ARL6IP1: variants seen among roughly 807,000 people sequenced by gnomAD.
ARL6IP1 encodes ARL6 interacting reticulophagy regulator 1.
ARL6IP1 carries 16 observed loss-of-function variants against 30.1 expected under a neutral mutation model. The ratio of observed to expected loss-of-function variants is 0.53; its 90% CI spans 0.36 to 0.81. ARL6IP1 has a LOEUF of 0.81. Ranked by LOEUF, ARL6IP1 falls within the 30% of genes least tolerant of loss-of-function variation. The pLI is 0.01. For missense variants in ARL6IP1, 173 were observed against 242.7 expected (o/e 0.71, Z 1.91); for synonymous variants, 72 against 84.8 (o/e 0.85, Z 0.83).
rs7189715 is a variant in ARL6IP1 at position 18,797,710 on chromosome 16, A to G, written c.290+215T>C. The G allele has an allele frequency of 0.028, 12,485 of 443,446 alleles. 1,296 individuals carry two copies. Among genetic ancestry groups the G allele is most frequent in the African/African-American group, 0.22 (10,991 of 49,178 alleles). The allele number at this position is 443,446 out of a possible 1,614,324, so 27.5% of individuals were successfully genotyped here. On this transcript the variant is annotated intron_variant, in intron 3 of 5. Coordinates refer to ENST00000304414, the MANE Select transcript of ARL6IP1 (RefSeq NM_015161.3). ...AATATCAATGGAAATGTAAAAATGT[A>G]TATGTGCATTTACCATAAAAGAACT...
At chr16:18,793,431 C>CTTTTTTTT in intron 5 of ARL6IP1, 61 bp from the exon 6 acceptor site, 1 of 607,964 alleles carries the variant, frequency 1.6e-6, no homozygotes, top group Non-Finnish European at 2.6e-6. Context: ...AAGGTTATTA[C>CTTTTTTTT]TTTTTTTTTT....
At chr16:18,799,582 T>C (rs1033302992) in intron 1 of ARL6IP1, among the ~76,000 whole-genome samples, 5 of 152,224 alleles carry the variant, frequency 3.3e-5, no homozygotes, top group African/African-American at 1.2e-4. Flanking sequence ...ATCTTATTGA[T>C]TTAAACCCTT....
Position 18,801,413 on chromosome 16 carries a change from C to G in ARL6IP1, c.36+18G>C, listed in dbSNP as rs763511342. ...GAGGCCTCGCTCGGCTCCCGGGGGA[C>G]AGGCAGCCAGGACTCACCAGCAGGT... On this transcript the variant is annotated intron_variant, in intron 1 of 5. Transcript: ENST00000304414. The G allele has an allele frequency of 6.2e-7, 1 of 1,612,550 alleles. No individual in the cohort carries two copies. The highest frequency in any genetic ancestry group is 1.3e-5 in the African/African-American group (1 of 75,012).
At position 18,793,165 on chromosome 16, in the gene ARL6IP1, G is replaced by T; in HGVS notation, c.*87C>A. The T allele has an allele frequency of 6.0e-6, 5 of 839,190 alleles. No homozygotes were observed. In the South Asian group the frequency reaches 6.9e-5, roughly 12 times the overall value. The allele number at this position is 839,190 out of a possible 1,614,324, so 52.0% of individuals were successfully genotyped here. A position where few individuals can be genotyped will look rare whatever the true frequency, so the allele number is the denominator to read the frequency against. ...TGAGGGAGAACAAAGAGCTACTTCC[G>T]TAACATTTTAGTATCCAGATAGTAC... On this transcript the variant is annotated 3_prime_UTR_variant, in exon 6 of 6. Coordinates refer to ENST00000304414, the MANE Select transcript of ARL6IP1 (RefSeq NM_015161.3).
intron 1 of ARL6IP1, among the ~76,000 whole-genome samples, chr16:18,800,100 C>T (rs1321284107): frequency 1.3e-5 from 2 of 152,162 alleles, no homozygotes; most frequent in Non-Finnish European, 2.9e-5. Flanking sequence ...AAGACGCTCG[C>T]TATCTGTGCC....
At chr16:18,797,407 G>T (rs1362947178) in intron 3 of ARL6IP1, among the ~76,000 whole-genome samples, 2 of 151,354 alleles carry the variant, frequency 1.3e-5, no homozygotes, top group Non-Finnish European at 2.9e-5. Flanking sequence ...AAAGAGAATG[G>T]TATAAATAAA....
At chr16:18,794,749 A>T in intron 4 of ARL6IP1, 66 bp from the exon 5 acceptor site, 1 of 1,136,458 alleles carries the variant, frequency 8.8e-7, no homozygotes. Flanking sequence ...TGTAATTTTT[A>T]TTTGTCAATT....
In ARL6IP1 at chr16:18,793,271, TTTTG is replaced by T. The variant is rs755571659; in HGVS notation, c.589_592del (p.Gln197LysfsTer33). 6.2e-7 allele frequency: 1 copy of T among 1,610,184 alleles called. No homozygotes were observed. Among genetic ancestry groups the T allele is most frequent in the Non-Finnish European group, 8.5e-7 (1 of 1,178,174 alleles). Reference sequence around the variant, plus strand: ...GATGAATCATTCGTTTTTCTTTTCTTTTTGTTTGAGAAGTTTGTTTATCTCCCTC... The same window carrying T: ...GATGAATCATTCGTTTTTCTTTTCTTTTTGAGAAGTTTGTTTATCTCCCTC... On this transcript the variant is annotated frameshift_variant, in exon 6 of 6. Transcript: ENST00000304414. LOFTEE classifies it high-confidence loss of function.
Position 18,801,538 on chromosome 16 carries a change from C to G in ARL6IP1, c.-72G>C. The G allele has an allele frequency of 6.3e-7, 1 of 1,577,538 alleles. No homozygotes were observed. The highest frequency in any genetic ancestry group is 1.2e-5 in the South Asian group (1 of 86,736). ...AGTCCTCCAACCGAAACCCGCACAC[C>G]AACCACAACCCGAGGGAACGCCCCG... is the stretch of plus-strand genomic sequence containing the variant. On this transcript the variant is annotated 5_prime_UTR_variant, in exon 1 of 6. Coordinates refer to ENST00000304414, the MANE Select transcript of ARL6IP1 (RefSeq NM_015161.3).
intron 3 of ARL6IP1, among the ~76,000 whole-genome samples, chr16:18,796,828 T>C (rs1005987342): frequency 6.6e-6 from 1 of 152,212 alleles, no homozygotes; most frequent in Non-Finnish European, 1.5e-5. Context: ...AAGGTACACA[T>C]TTAAAATTCT....
rs2030095373 is a variant in ARL6IP1 at position 18,792,465 on chromosome 16, T to C, written c.*787A>G. On this transcript the variant is annotated 3_prime_UTR_variant, in exon 6 of 6. Coordinates refer to ENST00000304414, the MANE Select transcript of ARL6IP1 (RefSeq NM_015161.3). ...ATGAGTCTTAACCTACTGTATACTATAGCTAATGTCAGCTGAAAATCTGAA... is the reference window on the plus strand; with the variant it reads ...ATGAGTCTTAACCTACTGTATACTACAGCTAATGTCAGCTGAAAATCTGAA... The C allele has an allele frequency of 6.6e-6, 1 of 152,206 alleles. No individual in the cohort carries two copies. The highest frequency in any genetic ancestry group is 1.5e-5 in the Non-Finnish European group (1 of 68,032). 9.4% of individuals were successfully genotyped at this position (152,206 alleles called of 1,614,324 possible).
intron 4 of ARL6IP1, among the ~76,000 whole-genome samples, chr16:18,794,972 G>A (rs757099801): frequency 2.6e-5 from 4 of 151,232 alleles, no homozygotes; most frequent in South Asian, 2.1e-4. Flanking sequence ...ACAGCCTCAC[G>A]ACGTGAAGCT....
chr16:18,799,263 C>T (rs2030336124), intron 1 of ARL6IP1, among the ~76,000 whole-genome samples: 1 of 152,206 alleles, frequency 6.6e-6, no homozygotes, highest in African/African-American at 2.4e-5. Flanking sequence ...CCACTCACCT[C>T]GTCTTCCCAA....
At position 18,793,363 on chromosome 16, in the gene ARL6IP1, G is replaced by C. The variant is rs761367929; in HGVS notation, c.501C>G (p.Ser167=). 6.3e-7 allele frequency: 1 copy of C among 1,589,310 alleles called. No homozygotes were observed. The highest frequency in any genetic ancestry group is 2.2e-5 in the East Asian group (1 of 44,636). Residue 167 remains serine, a synonymous_variant, in exon 6 of 6, where the codon TCC becomes TCG. Coordinates refer to ENST00000304414, the MANE Select transcript of ARL6IP1 (RefSeq NM_015161.3). Reference sequence around the variant, plus strand: ...GGTTTAGTCCAGGAAGCAATAGTAAGGAAGTCACTTAAAATAAAAAAAAAC... The same window carrying C: ...GGTTTAGTCCAGGAAGCAATAGTAACGAAGTCACTTAAAATAAAAAAAAAC... ...NLLLTYLIVT[S]LLLLPGLNQH...
intron 3 of ARL6IP1, among the ~76,000 whole-genome samples, chr16:18,795,803 G>A (rs894984669): frequency 1.3e-5 from 2 of 152,148 alleles, no homozygotes; most frequent in African/African-American, 2.4e-5. Context: ...GAGAGTGTGT[G>A]TGTGTGTGCG....
intron 5 of ARL6IP1, 99 bp downstream of exon 5, chr16:18,794,500 G>T (rs965342072): frequency 5.2e-6 from 4 of 763,536 alleles, no homozygotes; most frequent in Non-Finnish European, 8.8e-6. Flanking sequence ...GTTCCTTTTC[G>T]GTGTCTAAAA....
chr16:18,798,652 TC>T lies in ARL6IP1; in HGVS notation c.170+48del, dbSNP rs763288763. The T allele has an allele frequency of 1.9e-6, 3 of 1,579,918 alleles. No individual in the cohort carries two copies. The South Asian group carries it at 3.5e-5, about 18-fold the overall frequency. On this transcript the variant is annotated intron_variant, in intron 2 of 5. Transcript: ENST00000304414. Reference sequence around the variant, plus strand: ...CAAACAGAAGCTATATATTAAAAAGTCTTTATTAATAAGAAGCACAACCCAT... The same window carrying T: ...CAAACAGAAGCTATATATTAAAAAGTTTTATTAATAAGAAGCACAACCCAT...
At position 18,801,516 on chromosome 16, in the gene ARL6IP1, C is replaced by A. The variant is rs746698130; in HGVS notation, c.-50G>T. On this transcript the variant is annotated 5_prime_UTR_variant, in exon 1 of 6. Transcript: ENST00000304414. ...AGCGCAGGCCACCTCCCCAACGAGT[C>A]CTCCAACCGAAACCCGCACACCAAC... The A allele has an allele frequency of 3.1e-6, 5 of 1,600,382 alleles. No homozygotes were observed. Among genetic ancestry groups the A allele is most frequent in the East Asian group, 4.5e-5 (2 of 44,396 alleles).
In ARL6IP1 at chr16:18,795,064, T is replaced by C; in HGVS notation, c.409-381A>G. On this transcript the variant is annotated intron_variant, in intron 4 of 5. Coordinates refer to ENST00000304414, the MANE Select transcript of ARL6IP1 (RefSeq NM_015161.3). ...CAGAGTCTCATTCTGTCACAAAGGC[T>C]GGAGTGCAGTGGTGCAAACAGCTCA... 3 of 202,234 alleles carry C rather than the reference T, an allele frequency of 1.5e-5. No individual in the cohort carries two copies. In the South Asian group the frequency reaches 2.2e-4, roughly 15 times the overall value. The allele number at this position is 202,234 out of a possible 1,614,324, so 12.5% of individuals were successfully genotyped here.
Sources: gnomAD v4.1 joint callset for allele counts (sites outside exome capture counted in the v4.1 genomes callset) on GRCh38, gnomAD v4.1.1 for gene constraint, MANE v1.5 for transcripts, NCBI Gene and HGNC (gene_info 2026-07-23, HGNC 2026-07-21) for gene names.